The following PKNOX2 variants were observed in gnomAD, a reference collection of about 807,000 sequenced individuals.
PKNOX2 encodes the protein PBX/knotted 1 homeobox 2.
A neutral mutation model predicts 53.1 loss-of-function variants in PKNOX2; 14 were observed. The observed-to-expected ratio is 0.26, with a 90% CI of 0.17 to 0.41. The LOEUF (loss-of-function observed/expected upper bound fraction) is 0.41, where lower values mean the gene tolerates loss of function less well. Among genes scored for constraint, PKNOX2 ranks in the 10% least tolerant of loss-of-function variants. The pLI, the probability that PKNOX2 is intolerant of heterozygous loss-of-function variation, is 1.00. For synonymous variants in PKNOX2, 257 were observed against 242.8 expected (o/e 1.06, Z -0.54); for missense variants, 496 against 602.8 (o/e 0.82, Z 1.85).
intron 4 of PKNOX2, among the ~76,000 whole-genome samples, chr11:125,359,007 T>A (rs1001188952): frequency 6.6e-6 from 1 of 150,920 alleles, no homozygotes; most frequent in African/African-American, 2.4e-5. Context: ...CTTGGAAGAG[T>A]TGAAGCTGCA....
At chr11:125,342,272 T>C (rs2136160603) in intron 3 of PKNOX2, among the ~76,000 whole-genome samples, 1 of 152,196 alleles carries the variant, frequency 6.6e-6, no homozygotes, top group East Asian at 1.9e-4. Flanking sequence ...GGCTGACCCT[T>C]TTAGCTCCGC....
chr11:125,170,619 C>T (rs1228601212), intron 1 of PKNOX2, among the ~76,000 whole-genome samples: 1 of 152,242 alleles, frequency 6.6e-6, no homozygotes, highest in Admixed American at 6.5e-5. Flanking sequence ...GCTTGGATGC[C>T]TCACTGCAGG....
intron 2 of PKNOX2, among the ~76,000 whole-genome samples, chr11:125,304,613 T>C (rs1396350831): frequency 1.3e-5 from 2 of 152,146 alleles, no homozygotes; most frequent in African/African-American, 2.4e-5. Flanking sequence ...GCATTAAACG[T>C]CCCCTAAATC....
At chr11:125,390,405 T>C (rs1302695755) in intron 6 of PKNOX2, among the ~76,000 whole-genome samples, 1 of 152,224 alleles carries the variant, frequency 6.6e-6, no homozygotes, top group African/African-American at 2.4e-5. Flanking sequence ...TCCATCTTTC[T>C]CTGGGCCAGG....
intron 5 of PKNOX2, among the ~76,000 whole-genome samples, chr11:125,384,596 A>C (rs1953493771): frequency 6.6e-6 from 1 of 152,210 alleles, no homozygotes; most frequent in African/African-American, 2.4e-5. Flanking sequence ...AGACAGGAGA[A>C]TGGCGTGAAC....
At chr11:125,326,748 C>A (rs919823680) in intron 2 of PKNOX2, among the ~76,000 whole-genome samples, 2 of 152,150 alleles carry the variant, frequency 1.3e-5, no homozygotes, top group East Asian at 3.9e-4. Flanking sequence ...TCAGGTCCAG[C>A]CCCTTGTTTA....
chr11:125,419,798 A>G (rs1956075941), intron 10 of PKNOX2, among the ~76,000 whole-genome samples: 1 of 151,476 alleles, frequency 6.6e-6, no homozygotes, highest in South Asian at 2.1e-4. Context: ...TAGGAGGCCA[A>G]GGCGGGAGGA....
At chr11:125,305,867 A>C (rs949815990) in intron 2 of PKNOX2, among the ~76,000 whole-genome samples, 3 of 152,334 alleles carry the variant, frequency 2.0e-5, no homozygotes, top group Admixed American at 6.5e-5. Context: ...ACACAAGCTC[A>C]CTTAAAATAT....
Position 125,275,374 on chromosome 11 carries a change from G to C in PKNOX2, c.-130+40259G>C, listed in dbSNP as rs949030429. On this transcript the variant is annotated intron_variant, in intron 2 of 12. Transcript: ENST00000298282. ...TGGGGAATGAGTAGACAAGACGGAG[G>C]ATGAAGAGAAAGGAGGTCAGGGAGG... Among the ~76,000 whole-genome samples the C allele has an allele frequency of 6.6e-5, 10 of 152,180 alleles. 1 individual carries two copies. Among genetic ancestry groups the C allele is most frequent in the Admixed American group, 6.5e-4 (10 of 15,280 alleles).
intron 1 of PKNOX2, among the ~76,000 whole-genome samples, chr11:125,229,554 G>A (rs1942019989): frequency 6.6e-6 from 1 of 152,176 alleles, no homozygotes; most frequent in African/African-American, 2.4e-5. Flanking sequence ...AAGGAGTCGT[G>A]GAAGGGTACT....
intron 7 of PKNOX2, among the ~76,000 whole-genome samples, chr11:125,399,878 T>C (rs1954632104): frequency 6.6e-6 from 1 of 152,144 alleles, no homozygotes; most frequent in South Asian, 2.1e-4. Flanking sequence ...GACTGACAAG[T>C]TGGTCTGCAG....
intron 4 of PKNOX2, among the ~76,000 whole-genome samples, chr11:125,353,391 G>T (rs1428609306): frequency 2.0e-5 from 3 of 152,214 alleles, no homozygotes; most frequent in South Asian, 4.1e-4. Flanking sequence ...GAGAGCTGCA[G>T]CAAGGGCCTG....
intron 1 of PKNOX2, among the ~76,000 whole-genome samples, chr11:125,187,323 T>G (rs192604016): frequency 3.3e-5 from 5 of 152,352 alleles, no homozygotes; most frequent in Admixed American, 2.6e-4. Context: ...CTAAGCAATA[T>G]TAAGTCTTTC....
At chr11:125,248,026 T>A (rs1281775547) in intron 2 of PKNOX2, among the ~76,000 whole-genome samples, 1 of 152,194 alleles carries the variant, frequency 6.6e-6, no homozygotes, top group Admixed American at 6.5e-5. Flanking sequence ...CAGGTATGTC[T>A]GTGTCTGTCC....
At chr11:125,350,356 C>A (rs1951228432) in intron 3 of PKNOX2, among the ~76,000 whole-genome samples, 2 of 152,158 alleles carry the variant, frequency 1.3e-5, no homozygotes, top group Admixed American at 6.5e-5. Flanking sequence ...ATGGGGGCAA[C>A]AGTGGAGCAG....
At chr11:125,424,906 A>G (rs1956334235) in intron 10 of PKNOX2, among the ~76,000 whole-genome samples, 1 of 152,120 alleles carries the variant, frequency 6.6e-6, no homozygotes, top group Non-Finnish European at 1.5e-5. Context: ...TCCAGAGGAG[A>G]GTTGCGTTAT....
chr11:125,428,197 G>A (rs1956520270), intron 10 of PKNOX2, among the ~76,000 whole-genome samples: 1 of 152,152 alleles, frequency 6.6e-6, no homozygotes, highest in African/African-American at 2.4e-5. Flanking sequence ...CGTAGTCAGT[G>A]CACGGGCTGC....
chr11:125,210,085 G>A (rs538979115), intron 1 of PKNOX2, among the ~76,000 whole-genome samples: 15 of 152,106 alleles, frequency 9.9e-5, no homozygotes, highest in Non-Finnish European at 1.3e-4. Flanking sequence ...AAGCTATGCC[G>A]TAAAGGTTCT....
At chr11:125,300,101 G>A (rs1591518453) in intron 2 of PKNOX2, among the ~76,000 whole-genome samples, 1 of 152,252 alleles carries the variant, frequency 6.6e-6, no homozygotes, top group East Asian at 1.9e-4. Flanking sequence ...TCGGGGCCGT[G>A]TGAGCGGTTG....
Sources: allele counts gnomAD v4.1 joint callset (sites outside exome capture counted in the v4.1 genomes callset), GRCh38; gene constraint gnomAD v4.1.1; transcripts MANE v1.5; gene names NCBI Gene and HGNC (gene_info 2026-07-23, HGNC 2026-07-21).